IQCJ: variants seen among roughly 807,000 people sequenced by gnomAD.
The protein encoded by IQCJ is IQ motif containing J.
Under a neutral mutation model 11.0 loss-of-function variants are expected in IQCJ, and 9 were observed. The observed-to-expected ratio is 0.82, with a 90% CI of 0.49 to 1.43. The LOEUF is 1.43. Among genes scored for constraint, IQCJ ranks in the 40% most tolerant of loss-of-function variants. The pLI, the probability that IQCJ is intolerant of heterozygous loss-of-function variation, is 0.00. For missense variants in IQCJ, 146 were observed against 133.2 expected, an observed-to-expected ratio of 1.10 and a Z score of -0.47; for synonymous variants, 55 against 51.3, an observed-to-expected ratio of 1.07 and a Z score of -0.31.
rs553961527 is a variant in IQCJ at position 159,167,528 on chromosome 3, G to A, written c.10-78315G>A. ...TTGGGTCATCTTAGCTTAAAATGTT[G>A]TCCTTTACAGATAACATTTGAATCT... is the stretch of plus-strand genomic sequence containing the variant. On this transcript the variant is annotated intron_variant, in intron 1 of 3. Transcript: ENST00000397832. 6.6e-5 allele frequency among the ~76,000 whole-genome samples: 10 copies of A among 152,216 alleles called. No homozygotes were observed. The East Asian group carries it at 1.2e-3, about 18-fold the overall frequency.
intron 1 of IQCJ, among the ~76,000 whole-genome samples, chr3:159,202,383 T>C (rs1724401691): frequency 6.6e-6 from 1 of 152,172 alleles, no homozygotes; most frequent in Non-Finnish European, 1.5e-5. Flanking sequence ...CAGAAGCAAA[T>C]AGAAAAATAA....
chr3:159,143,171 G>A (rs1044927265), intron 1 of IQCJ, among the ~76,000 whole-genome samples: 8 of 152,200 alleles, frequency 5.3e-5, no homozygotes, highest in Non-Finnish European at 8.8e-5. Flanking sequence ...CATAGCCAAT[G>A]ATGAAGTGTG....
At chr3:159,156,271 T>C (rs907279984) in intron 1 of IQCJ, among the ~76,000 whole-genome samples, 1 of 152,102 alleles carries the variant, frequency 6.6e-6, no homozygotes, top group African/African-American at 2.4e-5. Context: ...TTGAATATGT[T>C]TAGAAAGAGG....
At chr3:159,159,741 G>T (rs368782791) in intron 1 of IQCJ, among the ~76,000 whole-genome samples, 4 of 152,146 alleles carry the variant, frequency 2.6e-5, no homozygotes, top group East Asian at 3.9e-4. Context: ...TGGGCCATGA[G>T]GGTGGATCCC....
At chr3:159,207,202 G>A (rs886966878) in intron 1 of IQCJ, among the ~76,000 whole-genome samples, 9 of 152,286 alleles carry the variant, frequency 5.9e-5, no homozygotes, top group African/African-American at 2.2e-4. Flanking sequence ...GTTACACTTA[G>A]TGTCTATTTA....
At chr3:159,073,566 T>C (rs1334428965) in intron 1 of IQCJ, among the ~76,000 whole-genome samples, 1 of 152,078 alleles carries the variant, frequency 6.6e-6, no homozygotes, top group Non-Finnish European at 1.5e-5. Context: ...TTAGAATTGA[T>C]CTCATCATAG....
At chr3:159,245,737 A>G (rs1254157604) in intron 1 of IQCJ, 106 bp from the exon 2 acceptor site, 2 of 956,178 alleles carry the variant, frequency 2.1e-6, no homozygotes, top group Non-Finnish European at 3.1e-6. Context: ...GCAGTCCAGA[A>G]CTCTTAATGT....
At chr3:159,175,245 G>A (rs1162944723) in intron 1 of IQCJ, among the ~76,000 whole-genome samples, 1 of 152,188 alleles carries the variant, frequency 6.6e-6, no homozygotes, top group African/African-American at 2.4e-5. Context: ...GCTGAAGCAG[G>A]TGGATCACTT....
At chr3:159,105,940 G>A (rs1208794962) in intron 1 of IQCJ, among the ~76,000 whole-genome samples, 1 of 152,156 alleles carries the variant, frequency 6.6e-6, no homozygotes, top group African/African-American at 2.4e-5. Context: ...GATCAGTTTG[G>A]CTGATAAGGG....
chr3:159,088,046 G>A (rs892596258), intron 1 of IQCJ, among the ~76,000 whole-genome samples: 267 of 151,968 alleles, frequency 1.8e-3, no homozygotes, highest in African/African-American at 6.0e-3. Context: ...GCTTTCTCTT[G>A]TGGGCATTTA....
intron 1 of IQCJ, among the ~76,000 whole-genome samples, chr3:159,170,359 T>C (rs1722421628): frequency 1.3e-5 from 2 of 152,076 alleles, no homozygotes; most frequent in Admixed American, 1.3e-4. Flanking sequence ...TGTCAAACAA[T>C]ATCAACACCC....
intron 1 of IQCJ, among the ~76,000 whole-genome samples, chr3:159,084,446 G>T (rs188551724): frequency 3.9e-5 from 6 of 152,056 alleles, no homozygotes; most frequent in African/African-American, 1.4e-4. Context: ...TGATGAGCTT[G>T]CCCAGCGAGT....
chr3:159,170,473 A>C (rs1722427949), intron 1 of IQCJ, among the ~76,000 whole-genome samples: 1 of 152,202 alleles, frequency 6.6e-6, no homozygotes, highest in Non-Finnish European at 1.5e-5. Flanking sequence ...ACTAACATTC[A>C]GTTTTGGCCG....
At chr3:159,204,607 G>A (rs1241954939) in intron 1 of IQCJ, among the ~76,000 whole-genome samples, 1 of 152,196 alleles carries the variant, frequency 6.6e-6, no homozygotes, top group Admixed American at 6.5e-5. Flanking sequence ...ATATTGTATT[G>A]GTTAAAGCAG....
chr3:159,190,807 T>C (rs961003538), intron 1 of IQCJ, among the ~76,000 whole-genome samples: 1 of 152,214 alleles, frequency 6.6e-6, no homozygotes, highest in African/African-American at 2.4e-5. Context: ...GTAGCTACCC[T>C]GTAGGCTTAA....
chr3:159,130,571 TA>T (rs1719933473), intron 1 of IQCJ, among the ~76,000 whole-genome samples: 2 of 152,180 alleles, frequency 1.3e-5, no homozygotes, highest in African/African-American at 2.4e-5. Flanking sequence ...ATCAACATCA[TA>T]AGGTTGAGGA....
intron 1 of IQCJ, among the ~76,000 whole-genome samples, chr3:159,235,625 C>A (rs1005482005): frequency 2.6e-5 from 4 of 152,122 alleles, no homozygotes; most frequent in Non-Finnish European, 5.9e-5. Context: ...TCCAGAAGTA[C>A]CCTTCTACTC....
In IQCJ at chr3:159,245,923, T is replaced by C; in HGVS notation, c.74+16T>C. On this transcript the variant is annotated intron_variant, in intron 2 of 3. Coordinates refer to ENST00000397832, the MANE Select transcript of IQCJ (RefSeq NM_001042706.3). The stretch of plus-strand genomic sequence containing the variant: ...CATTTGAAAAGTAAGTAAAAAGTAT[T>C]AAGTTAAATCATCTGCAAGGTTGGA... 6.6e-7 allele frequency: 1 copy of C among 1,513,794 alleles called. No homozygotes were observed. 93.8% of individuals were successfully genotyped at this position (1,513,794 alleles called of 1,614,324 possible).
intron 1 of IQCJ, among the ~76,000 whole-genome samples, chr3:159,208,775 A>G (rs1447658940): frequency 1.3e-5 from 2 of 152,230 alleles, no homozygotes; most frequent in African/African-American, 2.4e-5. Context: ...CTTTGCAGAC[A>G]TAATTGAGGA....
Sources: gnomAD v4.1 joint callset for allele counts (sites outside exome capture counted in the v4.1 genomes callset) on GRCh38, gnomAD v4.1.1 for gene constraint, MANE v1.5 for transcripts, NCBI Gene and HGNC (gene_info 2026-07-23, HGNC 2026-07-21) for gene names.